MRPS18C: variants seen among roughly 807,000 people sequenced by gnomAD.
MRPS18C encodes mitochondrial ribosomal protein S18C.
In MRPS18C, 21 loss-of-function variants were observed where a neutral mutation model predicts 21.0. That is an observed-to-expected ratio of 1.00 (90% CI 0.71 to 1.44). The LOEUF (loss-of-function observed/expected upper bound fraction) is 1.44. Ranked by LOEUF, MRPS18C falls within the 40% of genes most tolerant of loss-of-function variation. MRPS18C has a pLI of 0.00. For missense variants in MRPS18C, 152 were observed against 171.5 expected (o/e 0.89, Z 0.64); for synonymous variants, 65 against 54.3 (o/e 1.20, Z -0.87).
intron 3 of MRPS18C, chr4:83,459,471 AG>A: frequency 3.2e-6 from 1 of 310,364 alleles, no homozygotes; most frequent in Non-Finnish European, 5.9e-6. Flanking sequence ...TATTTTAGAA[AG>A]GTATCTGTGG....
rs1170639129 is a variant in MRPS18C, at chr4:83,461,881, C to T, written c.*684C>T. 4.4e-6 allele frequency: 1 copy of T among 228,648 alleles called. No homozygotes were observed. The highest frequency in any genetic ancestry group is 2.2e-5 in the African/African-American group (1 of 45,080). 14.2% of individuals were successfully genotyped at this position (228,648 alleles called of 1,614,324 possible). A position where few individuals can be genotyped will look rare whatever the true frequency, so the allele number is the denominator to read the frequency against. On this transcript the variant is annotated 3_prime_UTR_variant, in exon 6 of 6. Transcript: ENST00000295491. ...AGATTTAGCAAGTACAAATGTAGGA[C>T]AAATTTAAATTTTAGATGATGTTTT...
At position 83,457,115 on chromosome 4, in the gene MRPS18C, G is replaced by A. The variant is rs987112130; in HGVS notation, c.150+157G>A. The A allele has an allele frequency of 7.1e-5, 41 of 581,404 alleles. No individual in the cohort carries two copies. In the South Asian group the frequency reaches 1.1e-3, roughly 15 times the overall value. 36.0% of individuals were successfully genotyped at this position (581,404 alleles called of 1,614,324 possible). Reference sequence around the variant, plus strand: ...CAAAACAATTTGATAATTACTCTGAGTTCAGAAATGATGATGAATTGATTG... The same window carrying A: ...CAAAACAATTTGATAATTACTCTGAATTCAGAAATGATGATGAATTGATTG... On this transcript the variant is annotated intron_variant, in intron 2 of 5. Transcript: ENST00000295491.
At chr4:83,459,550 C>T in intron 3 of MRPS18C, 190 bp from the exon 4 acceptor site, 1 of 545,232 alleles carries the variant, frequency 1.8e-6, no homozygotes, top group South Asian at 2.5e-5. Flanking sequence ...TATATATAGA[C>T]TTGACACACT....
At chr4:83,459,696 T>C in intron 3 of MRPS18C, 44 bp from the exon 4 acceptor site, 1 of 1,544,134 alleles carries the variant, frequency 6.5e-7, no homozygotes, top group Non-Finnish European at 8.9e-7. Flanking sequence ...CAGAAATAAA[T>C]AACAGATACT....
Position 83,461,836 on chromosome 4 carries a change from G to A in MRPS18C, c.*639G>A. ...TTACTGTTTGTGTTGTGTTATAGTTGTGTAATAATTAAGGCTGCCAGATTT... is the reference window on the plus strand; with the variant it reads ...TTACTGTTTGTGTTGTGTTATAGTTATGTAATAATTAAGGCTGCCAGATTT... On this transcript the variant is annotated 3_prime_UTR_variant, in exon 6 of 6. Transcript: ENST00000295491. 1 of 228,054 alleles carries A rather than the reference G, an allele frequency of 4.4e-6. No homozygotes were observed. Among genetic ancestry groups the A allele is most frequent in the Non-Finnish European group, 8.7e-6 (1 of 114,956 alleles). The allele number at this position is 228,054 out of a possible 1,614,324, so 14.1% of individuals were successfully genotyped here.
intron 2 of MRPS18C, 149 bp downstream of exon 2, chr4:83,457,107 T>C: frequency 1.6e-6 from 1 of 607,984 alleles, no homozygotes; most frequent in Non-Finnish European, 2.8e-6. Flanking sequence ...ATTTGATAAT[T>C]ACTCTGAGTT....
At position 83,458,427 on chromosome 4, in the gene MRPS18C, C is replaced by T. The variant is rs766854181; in HGVS notation, c.232C>T (p.Gln78Ter). The change falls in exon 3 of 6, where the codon CAG (glutamine) becomes TAG (stop). Residue 78 changes from glutamine to a stop codon, truncating the protein, a stop_gained and splice_region_variant. Coordinates refer to ENST00000295491, the MANE Select transcript of MRPS18C (RefSeq NM_016067.4). LOFTEE classifies it high-confidence loss of function. ...CGKHVDYKNVQLLSQFVSPFT... is the reference protein window; with the variant it reads ...CGKHVDYKNV Reference sequence around the variant, plus strand: ...AAAGCATGTAGATTATAAGAATGTACAGGTGAGATCTGGTTTTACTTCACT... The same window carrying T: ...AAAGCATGTAGATTATAAGAATGTATAGGTGAGATCTGGTTTTACTTCACT... 1.3e-6 allele frequency: 2 copies of T among 1,576,864 alleles called. No homozygotes were observed. Among genetic ancestry groups the T allele is most frequent in the Admixed American group, 3.5e-5 (2 of 57,538 alleles).
chr4:83,459,346 C>T (rs984895196), intron 3 of MRPS18C, among the ~76,000 whole-genome samples: 1 of 151,998 alleles, frequency 6.6e-6, no homozygotes, highest in Non-Finnish European at 1.5e-5. Flanking sequence ...GCCTGGTGTA[C>T]TTGTACCTCT....
chr4:83,457,326 GAGC>G (rs997322472), intron 2 of MRPS18C: 17 of 184,036 alleles, frequency 9.2e-5, no homozygotes, highest in African/African-American at 4.0e-4. Flanking sequence ...TAGTTTGGGT[GAGC>G]AGAATTTTAG....
intron 3 of MRPS18C, 78 bp from the exon 4 acceptor site, chr4:83,459,662 G>A: frequency 1.6e-6 from 2 of 1,278,630 alleles, no homozygotes; most frequent in Non-Finnish European, 2.2e-6. Flanking sequence ...TAACCTGAAG[G>A]TTGTTTTTTG....
chr4:83,456,760 T>C (rs1721843931), intron 1 of MRPS18C, 149 bp from the exon 2 acceptor site: 1 of 716,546 alleles, frequency 1.4e-6, no homozygotes, highest in Non-Finnish European at 2.2e-6. Context: ...CTGTCCCAAA[T>C]ATAAAAGTTT....
At position 83,458,407 on chromosome 4, in the gene MRPS18C, A is replaced by G. The variant is rs1721945843; in HGVS notation, c.212A>G (p.His71Arg). The G allele has an allele frequency of 1.3e-6, 2 of 1,598,372 alleles. No homozygotes were observed. The highest frequency in any genetic ancestry group is 2.2e-5 in the South Asian group (2 of 90,102). The change falls in exon 3 of 6, where the codon CAT becomes CGT. Residue 71 changes from histidine to arginine, a missense_variant. His to Arg is a conservative substitution (Grantham distance 29). Around this residue, in one of 2 missense-constraint regions of MRPS18C, gnomAD observed 118 missense variants for 104.4 expected, o/e 1.13. Coordinates refer to ENST00000295491, the MANE Select transcript of MRPS18C (RefSeq NM_016067.4). ...AAGAAATGTATCTTGTGTGGAAAGC[A>G]TGTAGATTATAAGAATGTACAGGTG... ...PLKKCILCGK[H>R]VDYKNVQLLS...
chr4:83,457,009 G>A, intron 2 of MRPS18C, 51 bp downstream of exon 2: 1 of 1,516,266 alleles, frequency 6.6e-7, no homozygotes, highest in Non-Finnish European at 9.1e-7. Context: ...TGACCAAAAT[G>A]TTTTTCTTTT....
chr4:83,456,882 T>C lies in MRPS18C; in HGVS notation c.101-27T>C, dbSNP rs1185065738. 3.7e-6 allele frequency: 6 copies of C among 1,607,836 alleles called. No homozygotes were observed. In the Admixed American group the frequency reaches 8.5e-5, roughly 23 times the overall value. ...CTATTCAGCTAAGAAAAAGAAATGG[T>C]TAATTGCTGTTTCTGTTTAATCGCA... On this transcript the variant is annotated intron_variant, in intron 1 of 5. Coordinates refer to ENST00000295491, the MANE Select transcript of MRPS18C (RefSeq NM_016067.4).
In MRPS18C at chr4:83,457,323, G is replaced by T. The variant is rs2110026384; in HGVS notation, c.150+365G>T. ...TATGGGAATTTTAAAAGGTAGTTTG[G>T]GTGAGCAGAATTTTAGATAACTGAA... On this transcript the variant is annotated intron_variant, in intron 2 of 5. Coordinates refer to ENST00000295491, the MANE Select transcript of MRPS18C (RefSeq NM_016067.4). 3.2e-5 allele frequency: 6 copies of T among 185,330 alleles called. No homozygotes were observed. The South Asian group carries it at 6.9e-4, about 21-fold the overall frequency. The allele number at this position is 185,330 out of a possible 1,614,324, so 11.5% of individuals were successfully genotyped here. A position where few individuals can be genotyped will look rare whatever the true frequency, so the allele number is the denominator to read the frequency against.
rs1454570493 is a variant in MRPS18C, at chr4:83,458,180, G to A, written c.151-166G>A. On this transcript the variant is annotated intron_variant, in intron 2 of 5. Transcript: ENST00000295491. ...ACTTTATTCCAGAATCTTCCCATGC[G>A]TTAATCCGTAGGCTAAACTAAAACA... The A allele has an allele frequency of 1.3e-5, 7 of 525,400 alleles. No homozygotes were observed. In the South Asian group the frequency reaches 1.4e-4, roughly 11 times the overall value. 32.5% of individuals were successfully genotyped at this position (525,400 alleles called of 1,614,324 possible).
chr4:83,457,508 A>C (rs1256424163), intron 2 of MRPS18C: 1 of 151,968 alleles, frequency 6.6e-6, no homozygotes, highest in African/African-American at 2.4e-5. Context: ...CTGAATGTAA[A>C]TTGGAAAGTT....
Position 83,456,946 on chromosome 4 carries a change from C to T in MRPS18C, c.138C>T (p.Ser46=). 1.9e-6 allele frequency: 3 copies of T among 1,611,964 alleles called. No individual in the cohort carries two copies. Among genetic ancestry groups the T allele is most frequent in the Non-Finnish European group, 2.5e-6 (3 of 1,179,708 alleles). Residue 46 remains serine, a synonymous_variant, in exon 2 of 6, where the codon AGC becomes AGT. Coordinates refer to ENST00000295491, the MANE Select transcript of MRPS18C (RefSeq NM_016067.4). ...GAGGTTGTTCACAACAGGTATCCAG[C>T]AATGAGGACCTGGTAAGAATTTTTT... ...WRRGCSQQVS[S]NEDLPISMEN...
At position 83,458,440 on chromosome 4, in the gene MRPS18C, G is replaced by A. The variant is rs1292992151; in HGVS notation, c.234+11G>A. Reference sequence around the variant, plus strand: ...TATAAGAATGTACAGGTGAGATCTGGTTTTACTTCACTATATTTTAGGGTT... The same window carrying A: ...TATAAGAATGTACAGGTGAGATCTGATTTTACTTCACTATATTTTAGGGTT... On this transcript the variant is annotated intron_variant, in intron 3 of 5. Transcript: ENST00000295491. The A allele has an allele frequency of 1.3e-6, 2 of 1,555,906 alleles. No individual in the cohort carries two copies. Among genetic ancestry groups the A allele is most frequent in the Non-Finnish European group, 1.8e-6 (2 of 1,136,682 alleles).
Sources: allele counts gnomAD v4.1 joint callset (sites outside exome capture counted in the v4.1 genomes callset), GRCh38; gene constraint gnomAD v4.1.1; regional missense constraint gnomAD v4.1.1; transcripts MANE v1.5; gene names NCBI Gene and HGNC (gene_info 2026-07-23, HGNC 2026-07-21).